The following MBOAT2 variants were observed in gnomAD, a reference collection of about 807,000 sequenced individuals.
MBOAT2 encodes the protein membrane-bound glycerophospholipid O-acyltransferase 2.
Under a neutral mutation model 63.4 loss-of-function variants are expected in MBOAT2, and 28 were observed. The ratio of observed to expected loss-of-function variants is 0.44; its 90% CI spans 0.33 to 0.61. The LOEUF (loss-of-function observed/expected upper bound fraction) is 0.61, where lower values mean the gene tolerates loss of function less well. Among genes scored for constraint, MBOAT2 ranks in the 20% least tolerant of loss-of-function variants. MBOAT2 has a pLI of 0.03. For synonymous variants in MBOAT2, 211 were observed against 215.6 expected, an observed-to-expected ratio of 0.98 and a Z score of 0.19; for missense variants, 470 against 605.8, an observed-to-expected ratio of 0.78 and a Z score of 2.35.
At chr2:9,002,204 C>A (rs576200507) in intron 1 of MBOAT2, among the ~76,000 whole-genome samples, 1 of 152,316 alleles carries the variant, frequency 6.6e-6, no homozygotes, top group African/African-American at 2.4e-5. Context: ...GCAAGACACC[C>A]ATTAGAACTC....
Position 8,872,737 on chromosome 2 carries a change from T to C in MBOAT2, c.883+371A>G, listed in dbSNP as rs143714267. ...ATATTATACTATGGCTAATGGTCTATTTAACAGGTATCATAACTGTAAGCT... is the reference window on the plus strand; with the variant it reads ...ATATTATACTATGGCTAATGGTCTACTTAACAGGTATCATAACTGTAAGCT... On this transcript the variant is annotated intron_variant, in intron 8 of 12. Coordinates refer to ENST00000305997, the MANE Select transcript of MBOAT2 (RefSeq NM_138799.4). Among the ~76,000 whole-genome samples, 269 of 152,392 alleles carry C rather than the reference T, an allele frequency of 1.8e-3. 1 individual carries two copies. The highest frequency in any genetic ancestry group is 2.8e-3 in the Non-Finnish European group (191 of 68,046).
chr2:8,860,508 G>C (rs1361616453), intron 12 of MBOAT2, 105 bp downstream of exon 12: 3 of 1,143,534 alleles, frequency 2.6e-6, no homozygotes, highest in Non-Finnish European at 3.8e-6. Context: ...TTTATCAGCA[G>C]GAAATGTGGC....
At chr2:8,962,817 A>C (rs1193741884) in intron 1 of MBOAT2, among the ~76,000 whole-genome samples, 5 of 152,106 alleles carry the variant, frequency 3.3e-5, no homozygotes, top group African/African-American at 1.2e-4. Flanking sequence ...CAACAAAAAA[A>C]CTAAAAACAT....
At position 8,956,689 on chromosome 2, in the gene MBOAT2, C is replaced by T. The variant is rs551404141; in HGVS notation, c.221+1808G>A. ...TCCAGCATGGGCAACAAAGTGAGAC[C>T]TTGTCTTAAAAAATTGAAAAAATAA... On this transcript the variant is annotated intron_variant, in intron 2 of 12. Transcript: ENST00000305997. Among the ~76,000 whole-genome samples, 6 of 152,212 alleles carry T rather than the reference C, an allele frequency of 3.9e-5. No homozygotes were observed. The South Asian group carries it at 1.2e-3, about 32-fold the overall frequency.
At chr2:8,896,899 T>A (rs935702876) in intron 4 of MBOAT2, among the ~76,000 whole-genome samples, 5 of 149,780 alleles carry the variant, frequency 3.3e-5, no homozygotes, top group Non-Finnish European at 7.4e-5. Context: ...ATAATTAAGA[T>A]TTAGATCCCG....
intron 1 of MBOAT2, among the ~76,000 whole-genome samples, chr2:8,969,875 C>A (rs934718143): frequency 2.0e-5 from 3 of 152,118 alleles, no homozygotes; most frequent in African/African-American, 7.2e-5. Flanking sequence ...TAAAGCAAGT[C>A]CTTAGAGACC....
intron 5 of MBOAT2, among the ~76,000 whole-genome samples, chr2:8,883,296 C>T (rs1425192954): frequency 6.6e-6 from 1 of 151,854 alleles, no homozygotes; most frequent in East Asian, 1.9e-4. Flanking sequence ...AAAGACAAAT[C>T]GTAGAATACA....
chr2:8,870,630 C>G (rs557643707), intron 8 of MBOAT2, among the ~76,000 whole-genome samples: 1 of 152,322 alleles, frequency 6.6e-6, no homozygotes, highest in African/African-American at 2.4e-5. Context: ...GGCTTCTCCA[C>G]TGACAGAGTT....
rs1470558951 is a variant in MBOAT2 at position 8,857,574 on chromosome 2, T to C, written c.*1105A>G. ...AATGTCACCCAGACTCAGTGACTTT[T>C]ATTTTTCATTTCCCTAAAAGTTTCC... On this transcript the variant is annotated 3_prime_UTR_variant, in exon 13 of 13. Transcript: ENST00000305997. 6.6e-6 allele frequency: 1 copy of C among 152,254 alleles called. No individual in the cohort carries two copies. The highest frequency in any genetic ancestry group is 1.5e-5 in the Non-Finnish European group (1 of 68,046). 9.4% of individuals were successfully genotyped at this position (152,254 alleles called of 1,614,324 possible).
chr2:8,868,699 A>G (rs756139515), intron 8 of MBOAT2, 150 bp from the exon 9 acceptor site: 64 of 646,422 alleles, frequency 9.9e-5, no homozygotes, highest in Admixed American at 2.8e-4. Flanking sequence ...CATCGCATAC[A>G]ATGAAAATAA....
intron 2 of MBOAT2, among the ~76,000 whole-genome samples, chr2:8,953,682 C>T (rs180780409): frequency 1.1e-3 from 166 of 152,248 alleles, no homozygotes; most frequent in Non-Finnish European, 1.6e-3. Flanking sequence ...TCCAAAGACT[C>T]GTCTTCAAGC....
chr2:8,992,106 G>A (rs1318916960), intron 1 of MBOAT2, among the ~76,000 whole-genome samples: 1 of 152,208 alleles, frequency 6.6e-6, no homozygotes, highest in Non-Finnish European at 1.5e-5. Flanking sequence ...TTGATAAAAT[G>A]TACTTCCGGT....
At chr2:8,944,937 C>CAGT (rs1668308674) in intron 2 of MBOAT2, among the ~76,000 whole-genome samples, 2 of 152,160 alleles carry the variant, frequency 1.3e-5, no homozygotes, top group Non-Finnish European at 2.9e-5. Flanking sequence ...GAACTCAATA[C>CAGT]AGGTACTTAT....
intron 1 of MBOAT2, chr2:8,974,282 T>C: frequency 2.3e-6 from 1 of 443,466 alleles, no homozygotes; most frequent in Non-Finnish European, 4.6e-6. Flanking sequence ...TGCAATTCTG[T>C]TCAATGAGAA....
intron 6 of MBOAT2, among the ~76,000 whole-genome samples, chr2:8,880,163 A>G (rs989762110): frequency 7.2e-5 from 11 of 152,058 alleles, no homozygotes; most frequent in African/African-American, 2.7e-4. Flanking sequence ...TGCACAGGGC[A>G]TGGGAGAAAA....
intron 5 of MBOAT2, among the ~76,000 whole-genome samples, chr2:8,885,041 A>G (rs1663446461): frequency 6.6e-6 from 1 of 152,222 alleles, no homozygotes; most frequent in Non-Finnish European, 1.5e-5. Context: ...GCTGTGTCTA[A>G]CAGCTGATAC....
intron 3 of MBOAT2, among the ~76,000 whole-genome samples, chr2:8,917,131 T>C (rs1666238978): frequency 6.6e-6 from 1 of 152,188 alleles, no homozygotes; most frequent in Admixed American, 6.5e-5. Flanking sequence ...ATTAACTCAA[T>C]ATGGATCATT....
At chr2:8,985,203 C>G (rs1671476233) in intron 1 of MBOAT2, among the ~76,000 whole-genome samples, 1 of 152,180 alleles carries the variant, frequency 6.6e-6, no homozygotes, top group Admixed American at 6.5e-5. Flanking sequence ...CAGACACAGA[C>G]AGGTCACACT....
At chr2:8,960,968 G>C (rs1042625704) in intron 1 of MBOAT2, among the ~76,000 whole-genome samples, 3 of 152,236 alleles carry the variant, frequency 2.0e-5, no homozygotes, top group Non-Finnish European at 2.9e-5. Context: ...GATCATGGGA[G>C]ATGAGGCTGG....
Sources: allele counts gnomAD v4.1 joint callset (sites outside exome capture counted in the v4.1 genomes callset), GRCh38; gene constraint gnomAD v4.1.1; transcripts MANE v1.5; gene names NCBI Gene and HGNC (gene_info 2026-07-23, HGNC 2026-07-21).